RNLS: variants seen among roughly 807,000 people sequenced by gnomAD.
RNLS encodes renalase, FAD dependent amine oxidase.
In RNLS, 39 loss-of-function variants were observed where a neutral mutation model predicts 39.8. The observed-to-expected ratio is 0.98, with a 90% CI of 0.76 to 1.28. The LOEUF (loss-of-function observed/expected upper bound fraction) is 1.28. RNLS is among the 50% of genes most tolerant of loss of function. The pLI, the probability that RNLS is intolerant of heterozygous loss-of-function variation, is 0.00. For missense variants in RNLS, 410 were observed against 413.3 expected, an observed-to-expected ratio of 0.99 and a Z score of 0.07; for synonymous variants, 147 against 150.7, an observed-to-expected ratio of 0.98 and a Z score of 0.18.
the RNLS span, among the ~76,000 whole-genome samples, chr10:88,220,600 A>C: frequency 1.3e-5 from 2 of 152,130 alleles, no homozygotes; most frequent in Non-Finnish European, 2.9e-5. Context: ...TCATTCTGTA[A>C]ATATTTATTT....
chr10:88,173,528 T>TG, the RNLS span, among the ~76,000 whole-genome samples: 35 of 152,162 alleles, frequency 2.3e-4, no homozygotes, highest in Non-Finnish European at 4.1e-4. Context: ...AGAATGCCAT[T>TG]GGTATTTTGA....
chr10:88,296,848 C>A (rs1332949270), intron 6 of RNLS, among the ~76,000 whole-genome samples: 3 of 152,170 alleles, frequency 2.0e-5, no homozygotes, highest in African/African-American at 7.2e-5. Flanking sequence ...ACAGCCCCTG[C>A]TAACACTAAT....
intron 4 of RNLS, among the ~76,000 whole-genome samples, chr10:88,428,038 T>C (rs1854904541): frequency 6.7e-6 from 1 of 150,254 alleles, no homozygotes; most frequent in African/African-American, 2.4e-5. Flanking sequence ...CCTTGAACAA[T>C]AAAAAAAAAG....
chr10:88,190,673 C>T, the RNLS span, among the ~76,000 whole-genome samples: 21 of 152,192 alleles, frequency 1.4e-4, no homozygotes, highest in African/African-American at 4.8e-4. Context: ...ATGCTATAAG[C>T]GCTTTATGGC....
chr10:88,197,532 C>T, the RNLS span, among the ~76,000 whole-genome samples: 1 of 152,124 alleles, frequency 6.6e-6, no homozygotes. Flanking sequence ...CACCGCAATT[C>T]GAATAATAAG....
chr10:88,510,444 A>C (rs1846055566), intron 4 of RNLS, among the ~76,000 whole-genome samples: 1 of 152,092 alleles, frequency 6.6e-6, no homozygotes, highest in Non-Finnish European at 1.5e-5. Context: ...CTTCAGAACA[A>C]AGTTTTTGCT....
chr10:88,387,274 G>A (rs748587251), intron 4 of RNLS, among the ~76,000 whole-genome samples: 8 of 152,046 alleles, frequency 5.3e-5, no homozygotes, highest in Non-Finnish European at 1.0e-4. Context: ...ATGAACTAGC[G>A]GAAAGCAAGC....
intron 6 of RNLS, among the ~76,000 whole-genome samples, chr10:88,293,083 T>C (rs1385582362): frequency 1.3e-5 from 2 of 151,918 alleles, no homozygotes; most frequent in Non-Finnish European, 2.9e-5. Flanking sequence ...AAAATTTTCA[T>C]CCACTCCAAT....
intron 4 of RNLS, among the ~76,000 whole-genome samples, chr10:88,473,974 T>A (rs1213159579): frequency 6.6e-6 from 1 of 152,206 alleles, no homozygotes; most frequent in Non-Finnish European, 1.5e-5. Context: ...TTTAATACAA[T>A]GTTGATGGTT....
chr10:88,439,067 C>G (rs538754498), intron 4 of RNLS, among the ~76,000 whole-genome samples: 3 of 152,264 alleles, frequency 2.0e-5, no homozygotes, highest in African/African-American at 7.2e-5. Context: ...TCATGTGCAG[C>G]CCAGTAGTTT....
At chr10:88,318,198 C>A (rs1048365201) in intron 5 of RNLS, among the ~76,000 whole-genome samples, 6 of 152,338 alleles carry the variant, frequency 3.9e-5, no homozygotes, top group East Asian at 1.9e-4. Flanking sequence ...CCCCACAACC[C>A]ATTCTGTCTC....
At chr10:88,317,589 T>G (rs1845857866) in intron 5 of RNLS, among the ~76,000 whole-genome samples, 1 of 152,218 alleles carries the variant, frequency 6.6e-6, no homozygotes, top group East Asian at 1.9e-4. Flanking sequence ...TACATAAAAT[T>G]TACTGTTTTA....
At chr10:88,172,842 GTTTTTTTTTTTTT>G in the RNLS span, among the ~76,000 whole-genome samples, 32 of 43,774 alleles carry the variant, frequency 7.3e-4, no homozygotes, top group East Asian at 0.017. Context: ...ATTTTGAGTT[GTTTTTTTTTTTTT>G]TTTTTTTTTT....
chr10:88,285,484 C>G lies in RNLS; in HGVS notation c.899G>C (p.Cys300Ser), dbSNP rs1328780072. 7 of 1,612,772 alleles carry G rather than the reference C, an allele frequency of 4.3e-6. No homozygotes were observed. Among genetic ancestry groups the G allele is most frequent in the Non-Finnish European group, 5.1e-6 (6 of 1,179,246 alleles). ...HSQVTNAAAN[C>S]PGQMTLHHKP... ...GTGATGCAGAGTCATTTGGCCAGGA[C>G]AGTTGGCAGCAGCATTTGTAACCTG... Residue 300 changes from cysteine to serine, a missense_variant, in exon 7 of 7, where the codon TGT (cysteine) becomes TCT (serine). By Grantham distance (112) the Cys-to-Ser change is moderately radical. Coordinates refer to ENST00000331772, the MANE Select transcript of RNLS (RefSeq NM_001031709.3).
At chr10:88,200,488 T>A in the RNLS span, among the ~76,000 whole-genome samples, 1 of 152,250 alleles carries the variant, frequency 6.6e-6, no homozygotes, top group Admixed American at 6.5e-5. Flanking sequence ...AGATGCCTCA[T>A]GACTCTACCA....
At chr10:88,324,245 G>GA (rs908586480) in intron 5 of RNLS, among the ~76,000 whole-genome samples, 33 of 149,816 alleles carry the variant, frequency 2.2e-4, no homozygotes, top group Non-Finnish European at 2.8e-4. Flanking sequence ...CTACCCAAAG[G>GA]AAAAAAAAAT....
chr10:88,547,030 T>G (rs1364747292), intron 4 of RNLS, among the ~76,000 whole-genome samples: 1 of 152,222 alleles, frequency 6.6e-6, no homozygotes, highest in Non-Finnish European at 1.5e-5. Flanking sequence ...ATTGATAGTA[T>G]GTGCCTGTGT....
chr10:88,269,306 C>T (rs1369821005), downstream of RNLS, among the ~76,000 whole-genome samples: 5 of 152,152 alleles, frequency 3.3e-5, no homozygotes, highest in Admixed American at 6.5e-5. Context: ...GGAGTATTTA[C>T]AATGAGATTC....
chr10:88,237,212 C>T, the RNLS span, among the ~76,000 whole-genome samples: 1 of 148,560 alleles, frequency 6.7e-6, no homozygotes, highest in Non-Finnish European at 1.5e-5. Context: ...TATGTAGACA[C>T]TTTGAGTCCC....
Sources: allele counts gnomAD v4.1 joint callset (sites outside exome capture counted in the v4.1 genomes callset), GRCh38; gene constraint gnomAD v4.1.1; transcripts MANE v1.5; gene names NCBI Gene and HGNC (gene_info 2026-07-23, HGNC 2026-07-21).